ANXA8: variants seen among roughly 807,000 people sequenced by gnomAD.
The protein encoded by ANXA8 is VAC-beta.
ANXA8 carries 9 observed loss-of-function variants against 26.8 expected under a neutral mutation model. That is an observed-to-expected ratio of 0.34 (90% CI 0.20 to 0.59). The LOEUF (loss-of-function observed/expected upper bound fraction) is 0.59, where lower values mean the gene tolerates loss of function less well. Among genes scored for constraint, ANXA8 ranks in the 20% least tolerant of loss-of-function variants. The pLI is 0.84. For synonymous variants in ANXA8, 39 were observed against 94.8 expected, an observed-to-expected ratio of 0.41 and a Z score of 3.42; for missense variants, 83 against 238.5, an observed-to-expected ratio of 0.35 and a Z score of 4.29.
chr10:47,968,256 C>A, the ANXA8 span, among the ~76,000 whole-genome samples: 1 of 150,952 alleles, frequency 6.6e-6, no homozygotes. Context: ...TCTGCCACTG[C>A]CATAGCTACT....
chr10:47,956,800 C>A, the ANXA8 span, among the ~76,000 whole-genome samples: 1 of 149,954 alleles, frequency 6.7e-6, no homozygotes, highest in Non-Finnish European at 1.5e-5. Flanking sequence ...GGGCCTGACA[C>A]CACCTCCTGC....
chr10:47,664,140 G>T, the ANXA8 span, among the ~76,000 whole-genome samples: 3 of 151,270 alleles, frequency 2.0e-5, no homozygotes, highest in Non-Finnish European at 4.4e-5. Context: ...ACTCTGGGAG[G>T]CCAAGGCAGC....
chr10:47,489,968 T>C, the ANXA8 span, among the ~76,000 whole-genome samples: 1 of 150,672 alleles, frequency 6.6e-6, no homozygotes. Context: ...ACGAGCTCAA[T>C]GAGCCCCATG....
the ANXA8 span, among the ~76,000 whole-genome samples, chr10:47,726,679 C>T: frequency 1.2e-4 from 19 of 152,260 alleles, no homozygotes; most frequent in Admixed American, 1.2e-3. Flanking sequence ...AAAAAAAAAC[C>T]TTTTTTTCCT....
At chr10:47,484,472 C>G (rs2132442079), upstream of ANXA8, 5 of 1,076,124 alleles carry the variant, frequency 4.6e-6, no homozygotes, top group East Asian at 1.4e-4. Context: ...GCAAGGGGCT[C>G]ATATTCACCA....
chr10:47,560,142 G>C, the ANXA8 span, among the ~76,000 whole-genome samples: 1 of 151,696 alleles, frequency 6.6e-6, no homozygotes, highest in Non-Finnish European at 1.5e-5. Flanking sequence ...GGAGAGGTCT[G>C]GTTCCTAATT....
the ANXA8 span, among the ~76,000 whole-genome samples, chr10:47,958,835 C>A: frequency 6.7e-6 from 1 of 149,546 alleles, no homozygotes; most frequent in Non-Finnish European, 1.5e-5. Flanking sequence ...TCAGATCTCA[C>A]GAGACTCACT....
chr10:47,575,217 A>G, the ANXA8 span, among the ~76,000 whole-genome samples: 1 of 141,638 alleles, frequency 7.1e-6, no homozygotes, highest in Non-Finnish European at 1.5e-5. Flanking sequence ...AAAAAAAAAA[A>G]AGAAAGAAAG....
At chr10:47,644,650 T>A in the ANXA8 span, among the ~76,000 whole-genome samples, 9 of 151,886 alleles carry the variant, frequency 5.9e-5, no homozygotes, top group Non-Finnish European at 1.2e-4. Context: ...TATTGTTAAA[T>A]ATGTAATATT....
upstream of ANXA8, among the ~76,000 whole-genome samples, chr10:47,486,731 C>T (rs1159792214): frequency 7.2e-6 from 1 of 138,824 alleles, no homozygotes; most frequent in Non-Finnish European, 1.6e-5. Context: ...AGGCAGATCA[C>T]CTGAGGTCAG....
At chr10:47,623,594 T>A in the ANXA8 span, among the ~76,000 whole-genome samples, 7 of 111,210 alleles carry the variant, frequency 6.3e-5, 3 homozygotes, top group Non-Finnish European at 1.4e-4. Context: ...TTTTATATTT[T>A]TCCTTCAACA....
chr10:47,522,210 T>C, the ANXA8 span, among the ~76,000 whole-genome samples: 15 of 141,680 alleles, frequency 1.1e-4, 2 homozygotes, highest in African/African-American at 1.6e-4. Flanking sequence ...AATCTTTATA[T>C]TACACATTAA....
the ANXA8 span, among the ~76,000 whole-genome samples, chr10:47,743,064 G>C: frequency 4.2e-5 from 6 of 143,960 alleles, no homozygotes; most frequent in South Asian, 6.6e-4. Flanking sequence ...CCAGCTACTC[G>C]GGAGGCTGAG....
chr10:47,625,865 A>G, the ANXA8 span, among the ~76,000 whole-genome samples: 1 of 150,844 alleles, frequency 6.6e-6, no homozygotes, highest in African/African-American at 2.5e-5. Context: ...TTTGACCGAC[A>G]TCTCTGCAAT....
At chr10:47,563,642 A>C in the ANXA8 span, 7 of 892,510 alleles carry the variant, frequency 7.8e-6, no homozygotes, top group East Asian at 1.7e-4. Context: ...AGATGAAGTA[A>C]AAGCTTTGGC....
chr10:47,696,379 C>CAGAATGTTTTTTTCTCTCTCT, the ANXA8 span: 1 of 1,155,394 alleles, frequency 8.7e-7, no homozygotes, highest in Non-Finnish European at 1.2e-6. Context: ...ATGGCATGAT[C>CAGAATGTTTTTTTCTCTCTCT]AGAATGTTTT....
the ANXA8 span, among the ~76,000 whole-genome samples, chr10:47,626,143 T>A: frequency 2.9e-3 from 435 of 150,316 alleles, 40 homozygotes; most frequent in African/African-American, 0.011. Context: ...AATTGAAACA[T>A]AACAGCTTAT....
chr10:47,775,747 C>T, the ANXA8 span, among the ~76,000 whole-genome samples: 2 of 138,268 alleles, frequency 1.4e-5, no homozygotes, highest in South Asian at 5.2e-4. Context: ...ACCTGCCATG[C>T]CCGCAGCCCT....
chr10:47,563,873 T>A, the ANXA8 span, among the ~76,000 whole-genome samples: 2 of 151,846 alleles, frequency 1.3e-5, no homozygotes, highest in Non-Finnish European at 2.9e-5. Flanking sequence ...CGGGAGGGAT[T>A]TTTTTACGGG....
Sources: gnomAD v4.1 joint callset for allele counts (sites outside exome capture counted in the v4.1 genomes callset) on GRCh38, gnomAD v4.1.1 for gene constraint, MANE v1.5 for transcripts, NCBI Gene and HGNC (gene_info 2026-07-23, HGNC 2026-07-21) for gene names.